MAS1: variants seen among roughly 807,000 people sequenced by gnomAD.
MAS1 encodes proto-oncogene Mas.
For missense variants in MAS1, 387 were observed against 409.7 expected, an observed-to-expected ratio of 0.94 and a Z score of 0.48; for synonymous variants, 163 against 164.2, an observed-to-expected ratio of 0.99 and a Z score of 0.05.
Position 159,907,110 on chromosome 6 carries a change from T to C in MAS1, c.155T>C (p.Ile52Thr), listed in dbSNP as rs1583214984. The change falls in exon 3 of 3, where the codon ATT becomes ACT. Residue 52 changes from isoleucine (I) to threonine (T), a missense_variant. Transcript: ENST00000674077. ...ISPVGFVENG[I>T]LLWFLCFRMR... ...CCAGTGGGGTTTGTTGAGAATGGGA[T>C]TCTCCTCTGGTTCCTGTGCTTCCGG... The C allele has an allele frequency of 4.3e-6, 7 of 1,614,224 alleles. No homozygotes were observed. The highest frequency in any genetic ancestry group is 5.9e-6 in the Non-Finnish European group (7 of 1,180,028).
chr6:159,906,838 T>G (rs1782892787), intron 2 of MAS1, 82 bp from the exon 3 acceptor site: 1 of 1,080,284 alleles, frequency 9.3e-7, no homozygotes, highest in African/African-American at 1.6e-5. Flanking sequence ...GATTATGATT[T>G]ATAGCTGAAT....
At position 159,907,099 on chromosome 6, in the gene MAS1, T is replaced by C; in HGVS notation, c.144T>C (p.Val48=). 6.2e-7 allele frequency: 1 copy of C among 1,614,208 alleles called. No homozygotes were observed. Among genetic ancestry groups the C allele is most frequent in the Non-Finnish European group, 8.5e-7 (1 of 1,180,020 alleles). The part of the protein sequence containing the change: ...VIMSISPVGF[V]ENGILLWFLC... ...TGAGCATCTCCCCAGTGGGGTTTGT[T>C]GAGAATGGGATTCTCCTCTGGTTCC... Residue 48 remains valine, a synonymous_variant, in exon 3 of 3, where the codon GTT becomes GTC. Transcript: ENST00000674077.
rs1475267784 is a variant in MAS1 at position 159,914,271 on chromosome 6, G to A, written c.*6338G>A. 2.6e-5 allele frequency: 4 copies of A among 151,948 alleles called. No homozygotes were observed. The highest frequency in any genetic ancestry group is 4.1e-4 in the South Asian group (2 of 4,824). 9.4% of individuals were successfully genotyped at this position (151,948 alleles called of 1,614,324 possible). A position where few individuals can be genotyped will look rare whatever the true frequency, so the allele number is the denominator to read the frequency against. On this transcript the variant is annotated 3_prime_UTR_variant, in exon 3 of 3. Coordinates refer to ENST00000674077, the MANE Select transcript of MAS1 (RefSeq NM_002377.4). ...CTTTGTTATCTCTTTTGATGTTGTC[G>A]TTTTCCCCTGAGTTTTCACAGTCCT...
chr6:159,910,479 C>T lies in MAS1; in HGVS notation c.*2546C>T, dbSNP rs1160504510. Reference sequence around the variant, plus strand: ...CCCTCCCCTGCCCACTGGGGTTTCTCCTCAGCACTCATCATGCCATATATC... The same window carrying T: ...CCCTCCCCTGCCCACTGGGGTTTCTTCTCAGCACTCATCATGCCATATATC... On this transcript the variant is annotated 3_prime_UTR_variant, in exon 3 of 3. Transcript: ENST00000674077. 1 of 152,290 alleles carries T rather than the reference C, an allele frequency of 6.6e-6. No homozygotes were observed. The highest frequency in any genetic ancestry group is 6.5e-5 in the Admixed American group (1 of 15,274). 9.4% of individuals were successfully genotyped at this position (152,290 alleles called of 1,614,324 possible). A position where few individuals can be genotyped will look rare whatever the true frequency, so the allele number is the denominator to read the frequency against.
chr6:159,912,116 C>T lies in MAS1; in HGVS notation c.*4183C>T, dbSNP rs889575805. On this transcript the variant is annotated 3_prime_UTR_variant, in exon 3 of 3. Transcript: ENST00000674077. ...CACATACTGGTTGTTTCTCTGGAGA[C>T]AGCATTGTATGCACTGAGATGAGCA... 2 of 152,298 alleles carry T rather than the reference C, an allele frequency of 1.3e-5. No individual in the cohort carries two copies. The highest frequency in any genetic ancestry group is 4.8e-5 in the African/African-American group (2 of 41,462). 9.4% of individuals were successfully genotyped at this position (152,298 alleles called of 1,614,324 possible). A position where few individuals can be genotyped will look rare whatever the true frequency, so the allele number is the denominator to read the frequency against.
At chr6:159,905,546 G>A (rs1290944892) in intron 2 of MAS1, among the ~76,000 whole-genome samples, 4 of 152,150 alleles carry the variant, frequency 2.6e-5, no homozygotes, top group Non-Finnish European at 5.9e-5. Context: ...CCAACCCAAA[G>A]GCTACCTGCT....
chr6:159,898,508 C>CTCCTCCTCCTTCT (rs1562309814), intron 1 of MAS1, among the ~76,000 whole-genome samples: 4 of 144,218 alleles, frequency 2.8e-5, no homozygotes, highest in Admixed American at 2.7e-4. Flanking sequence ...CCTCCTCCTC[C>CTCCTCCTCCTTCT]TCCTCCTCCT....
chr6:159,890,041 C>A (rs749791698), upstream of MAS1, among the ~76,000 whole-genome samples: 5 of 152,064 alleles, frequency 3.3e-5, no homozygotes, highest in African/African-American at 1.2e-4. Context: ...GGCACAATAT[C>A]TATGAAGGAA....
intron 2 of MAS1, among the ~76,000 whole-genome samples, chr6:159,901,527 C>T (rs1030358212): frequency 1.3e-5 from 2 of 152,098 alleles, no homozygotes; most frequent in Admixed American, 6.6e-5. Context: ...TGGGCCTAGG[C>T]ATTTGAAGCT....
chr6:159,892,305 T>A (rs1782708420), intron 1 of MAS1, among the ~76,000 whole-genome samples: 1 of 152,126 alleles, frequency 6.6e-6, no homozygotes, highest in Admixed American at 6.6e-5. Context: ...CAGGGAAGAA[T>A]TTGCCCTTTT....
At chr6:159,905,731 T>C (rs1157073063) in intron 2 of MAS1, among the ~76,000 whole-genome samples, 1 of 152,196 alleles carries the variant, frequency 6.6e-6, no homozygotes. Context: ...AAAAGACAGA[T>C]ATCTATTCAC....
rs768906782 is a variant in MAS1 at position 159,907,663 on chromosome 6, A to G, written c.708A>G (p.Ile236Met). ...LYIVIMVTII[I>M]FLIFAMPMRL... ...TAGTCATCATGGTCACCATCATTAT[A>G]TTCCTCATCTTCGCTATGCCCATGA... Residue 236 changes from isoleucine (I) to methionine (M), a missense_variant, in exon 3 of 3, where the codon ATA becomes ATG. Physicochemically the swap from Ile to Met is conservative, Grantham distance 10. Transcript: ENST00000674077. 6.2e-7 allele frequency: 1 copy of G among 1,613,808 alleles called. No homozygotes were observed. The highest frequency in any genetic ancestry group is 8.5e-7 in the Non-Finnish European group (1 of 1,179,994).
At chr6:159,897,616 T>G (rs891339199) in intron 1 of MAS1, among the ~76,000 whole-genome samples, 1 of 152,202 alleles carries the variant, frequency 6.6e-6, no homozygotes, top group African/African-American at 2.4e-5. Flanking sequence ...AAACTAAGTT[T>G]CTCCCAAAGT....
chr6:159,898,454 A>G (rs1782778346), intron 1 of MAS1, among the ~76,000 whole-genome samples: 1 of 151,496 alleles, frequency 6.6e-6, no homozygotes, highest in South Asian at 2.1e-4. Context: ...ACTGTCCTGT[A>G]AAGTTGAGGG....
rs546205384 is a variant in MAS1 at position 159,917,051 on chromosome 6, C to T, written c.*9118C>T. Among the ~76,000 whole-genome samples, 42 of 152,348 alleles carry T rather than the reference C, an allele frequency of 2.8e-4. No individual in the cohort carries two copies. Among genetic ancestry groups the T allele is most frequent in the African/African-American group, 9.6e-4 (40 of 41,588 alleles). On this transcript the variant is annotated 3_prime_UTR_variant, in exon 3 of 3. Coordinates refer to ENST00000674077, the MANE Select transcript of MAS1 (RefSeq NM_002377.4). ...GCAGCCAGATTTGGTAGTGGCCGGA[C>T]TTTGCCACCTCCAGCCTGGAGTGTT...
In MAS1 at chr6:159,909,293, A is replaced by C; in HGVS notation, c.*1360A>C. ...TACAGGTTGTAAAATGTTCAAGTCCATAGAAATGAGCCCGATAGTATTTAT... is the reference window on the plus strand; with the variant it reads ...TACAGGTTGTAAAATGTTCAAGTCCCTAGAAATGAGCCCGATAGTATTTAT... On this transcript the variant is annotated 3_prime_UTR_variant, in exon 3 of 3. Coordinates refer to ENST00000674077, the MANE Select transcript of MAS1 (RefSeq NM_002377.4). The C allele has an allele frequency of 6.6e-6, 1 of 152,244 alleles. No individual in the cohort carries two copies. The highest frequency in any genetic ancestry group is 1.9e-4 in the East Asian group (1 of 5,206). 9.4% of individuals were successfully genotyped at this position (152,244 alleles called of 1,614,324 possible).
chr6:159,898,034 A>G (rs112462369), intron 1 of MAS1, among the ~76,000 whole-genome samples: 3,667 of 151,900 alleles, frequency 0.024, 145 homozygotes, highest in African/African-American at 0.083. Flanking sequence ...TGGGATTACA[A>G]GTACATGCCA....
chr6:159,889,884 T>A (rs1782678127), upstream of MAS1, among the ~76,000 whole-genome samples: 1 of 152,170 alleles, frequency 6.6e-6, no homozygotes. Flanking sequence ...GTAGTTTGGC[T>A]CTGCCCTGGG....
intron 2 of MAS1, among the ~76,000 whole-genome samples, chr6:159,901,240 C>T (rs1782817959): frequency 6.6e-6 from 1 of 152,200 alleles, no homozygotes; most frequent in Non-Finnish European, 1.5e-5. Flanking sequence ...CGAATAGAGT[C>T]ACATTGAGGA....
Sources: gnomAD v4.1 joint callset for allele counts (sites outside exome capture counted in the v4.1 genomes callset) on GRCh38, gnomAD v4.1.1 for gene constraint, MANE v1.5 for transcripts, NCBI Gene and HGNC (gene_info 2026-07-23, HGNC 2026-07-21) for gene names.